FMN1: variants seen among roughly 807,000 people sequenced by gnomAD.
FMN1 encodes the protein formin 1.
FMN1 carries 110 observed loss-of-function variants against 132.4 expected under a neutral mutation model. The observed-to-expected ratio is 0.83, with a 90% confidence interval of 0.71 to 0.97. The LOEUF is 0.97. FMN1 is among the 50% of genes least tolerant of loss of function. The pLI is 0.00. For missense variants in FMN1, 1,792 were observed against 1,705.3 expected (o/e 1.05, Z -0.90); for synonymous variants, 722 against 651.7 (o/e 1.11, Z -1.64).
chr15:33,108,543 G>A (rs907719418), intron 4 of FMN1, among the ~76,000 whole-genome samples: 5 of 151,994 alleles, frequency 3.3e-5, no homozygotes, highest in African/African-American at 1.2e-4. Context: ...AAGAGGCCTG[G>A]AGAAACTGAA....
chr15:33,174,466 T>TATA (rs1965443399), intron 3 of FMN1, among the ~76,000 whole-genome samples: 1 of 152,246 alleles, frequency 6.6e-6, no homozygotes, highest in Non-Finnish European at 1.5e-5. Context: ...GTATTTTGTG[T>TATA]ACATTATGTT....
At chr15:32,906,112 TA>T (rs1165335547) in intron 12 of FMN1, among the ~76,000 whole-genome samples, 3 of 152,196 alleles carry the variant, frequency 2.0e-5, no homozygotes, top group Admixed American at 2.0e-4. Flanking sequence ...TCCCGGCAAT[TA>T]GAACAATAAT....
chr15:33,089,214 C>A (rs999466614), intron 4 of FMN1, among the ~76,000 whole-genome samples: 2 of 152,148 alleles, frequency 1.3e-5, no homozygotes, highest in African/African-American at 4.8e-5. Context: ...GTACTCTATG[C>A]CCCATATTCT....
chr15:32,850,680 GAC>G (rs2058987856), intron 17 of FMN1, among the ~76,000 whole-genome samples: 1 of 152,182 alleles, frequency 6.6e-6, no homozygotes, highest in African/African-American at 2.4e-5. Flanking sequence ...GGACAAAACA[GAC>G]ACAGTCCCAG....
chr15:32,859,126 T>C (rs2059205068), intron 16 of FMN1, among the ~76,000 whole-genome samples: 1 of 152,128 alleles, frequency 6.6e-6, no homozygotes, highest in Admixed American at 6.5e-5. Flanking sequence ...TGGGGAAGTA[T>C]CTTGTTGGAT....
At chr15:32,928,546 C>G (rs923898157) in intron 9 of FMN1, among the ~76,000 whole-genome samples, 1 of 152,152 alleles carries the variant, frequency 6.6e-6, no homozygotes, top group South Asian at 2.1e-4. Context: ...GTGACTGAGA[C>G]AGATCAAGTC....
At chr15:33,043,619 T>TA in intron 6 of FMN1, among the ~76,000 whole-genome samples, 1 of 152,174 alleles carries the variant, frequency 6.6e-6, no homozygotes, top group East Asian at 1.9e-4. Context: ...AGAAGTGGGA[T>TA]AAAAAGTGGC....
rs2140814468 is a variant in FMN1 at position 32,767,385 on chromosome 15, C to G, written c.*6925G>C. On this transcript the variant is annotated 3_prime_UTR_variant, in exon 21 of 21. Coordinates refer to ENST00000616417, the MANE Select transcript of FMN1 (RefSeq NM_001277313.2). ...GAAATAATTTACATTTCTGCTAGGT[C>G]TGATTCATACTAGGATGTTGACTGC... The G allele has an allele frequency of 6.6e-6, 1 of 152,268 alleles. No homozygotes were observed. Among genetic ancestry groups the G allele is most frequent in the Non-Finnish European group, 1.5e-5 (1 of 68,032 alleles). The allele number at this position is 152,268 out of a possible 1,614,324, so 9.4% of individuals were successfully genotyped here.
In FMN1 at chr15:33,154,669, G is replaced by C; in HGVS notation, c.246C>G (p.Asp82Glu). 4 of 1,536,130 alleles carry C rather than the reference G, an allele frequency of 2.6e-6. No individual in the cohort carries two copies. The highest frequency in any genetic ancestry group is 3.5e-6 in the Non-Finnish European group (4 of 1,146,912). Residue 82 changes from aspartate to glutamate, a missense_variant, in exon 4 of 21, where the codon GAC becomes GAG. Coordinates refer to ENST00000616417, the MANE Select transcript of FMN1 (RefSeq NM_001277313.2). ...DIFFKQTPTK[D>E]ILTELYKLTT... ...TGAGTTTGTACAGCTCAGTTAGAAT[G>C]TCTTTCGTGGGAGTCTGCTTGAAAA...
Position 32,849,194 on chromosome 15 carries a change from T to C in FMN1, c.3928+7821A>G, listed in dbSNP as rs139974558. ...TTTTAGTAGACACGGGGTTTCATCG[T>C]GTTAGCCAGGATGGTCTCGGTCTCC... is the stretch of plus-strand genomic sequence containing the variant. On this transcript the variant is annotated intron_variant, in intron 17 of 20. Transcript: ENST00000616417. Among the ~76,000 whole-genome samples, 1,164 of 150,836 alleles carry C rather than the reference T, an allele frequency of 7.7e-3. 23 individuals are homozygous for C. The highest frequency in any genetic ancestry group is 0.027 in the African/African-American group (1,106 of 41,066).
chr15:33,127,369 A>C (rs1480574771), intron 4 of FMN1, among the ~76,000 whole-genome samples: 1 of 152,196 alleles, frequency 6.6e-6, no homozygotes. Context: ...GACTCTGTTC[A>C]TACACAGACC....
Position 33,086,248 on chromosome 15 carries a change from C to T in FMN1, c.2043+2551G>A, listed in dbSNP as rs183578055. On this transcript the variant is annotated intron_variant, in intron 5 of 20. Transcript: ENST00000616417. ...CCTGAGCGACAGAGCAAGACTCCATCTCAAATTAAAAAAAAAAAAAAAAAG... is the reference window on the plus strand; with the variant it reads ...CCTGAGCGACAGAGCAAGACTCCATTTCAAATTAAAAAAAAAAAAAAAAAG... Among the ~76,000 whole-genome samples, 592 of 142,642 alleles carry T rather than the reference C, an allele frequency of 4.2e-3. 23 individuals carry two copies. The highest frequency in any genetic ancestry group is 0.039 in the Admixed American group (549 of 14,126). The allele number at this position is 142,642 out of a possible 152,430, so 93.6% of individuals were successfully genotyped here. A position where few individuals can be genotyped will look rare whatever the true frequency, so the allele number is the denominator to read the frequency against.
chr15:32,950,776 A>T, intron 9 of FMN1, among the ~76,000 whole-genome samples: 1 of 152,150 alleles, frequency 6.6e-6, no homozygotes, highest in East Asian at 1.9e-4. Flanking sequence ...TAATCTATGC[A>T]ACAAACCCCC....
chr15:32,887,006 A>C (rs552389266), intron 16 of FMN1, among the ~76,000 whole-genome samples: 6 of 149,464 alleles, frequency 4.0e-5, no homozygotes, highest in Non-Finnish European at 7.4e-5. Flanking sequence ...GAGAAAAAAA[A>C]CCCACGTTCC....
chr15:33,071,457 T>C (rs2037997105), intron 5 of FMN1, among the ~76,000 whole-genome samples: 1 of 152,166 alleles, frequency 6.6e-6, no homozygotes, highest in African/African-American at 2.4e-5. Context: ...GCACCAACAA[T>C]GAATGAGGCT....
At chr15:32,857,408 G>C (rs2059160314) in intron 16 of FMN1, among the ~76,000 whole-genome samples, 1 of 152,170 alleles carries the variant, frequency 6.6e-6, no homozygotes, top group South Asian at 2.1e-4. Context: ...TATTCTGCTT[G>C]TGTTCTCCCA....
chr15:33,085,593 AATAT>A (rs894315609), intron 5 of FMN1, among the ~76,000 whole-genome samples: 98 of 149,638 alleles, frequency 6.5e-4, no homozygotes, highest in African/African-American at 2.2e-3. Flanking sequence ...TCATATATGT[AATAT>A]ATAAATATAT....
At chr15:33,093,467 C>G (rs2038973212) in intron 4 of FMN1, among the ~76,000 whole-genome samples, 1 of 152,172 alleles carries the variant, frequency 6.6e-6, no homozygotes, top group South Asian at 2.1e-4. Context: ...TGTAATCACT[C>G]ATGTCTGTAT....
At chr15:32,913,390 T>C (rs1221208708) in intron 10 of FMN1, among the ~76,000 whole-genome samples, 2 of 152,170 alleles carry the variant, frequency 1.3e-5, no homozygotes, top group Admixed American at 1.3e-4. Flanking sequence ...TATCTTCCTT[T>C]AAACACTCGG....
Sources: allele counts gnomAD v4.1 joint callset (sites outside exome capture counted in the v4.1 genomes callset), GRCh38; gene constraint gnomAD v4.1.1; transcripts MANE v1.5; gene names NCBI Gene and HGNC (gene_info 2026-07-23, HGNC 2026-07-21).